The following RHOQ variants were observed in gnomAD, a reference collection of about 807,000 sequenced individuals.
RHOQ encodes rho-related GTP-binding protein RhoQ.
In RHOQ, 7 loss-of-function variants were observed where a neutral mutation model predicts 25.8. That is an observed-to-expected ratio of 0.27 (90% CI 0.15 to 0.51). RHOQ has a LOEUF of 0.51. Among genes scored for constraint, RHOQ ranks in the 20% least tolerant of loss-of-function variants. The pLI is 0.97. For missense variants in RHOQ, 165 were observed against 260.6 expected (o/e 0.63, Z 2.53); for synonymous variants, 97 against 98.6 (o/e 0.98, Z 0.10).
chr2:46,544,136 G>A (rs1464776361), intron 2 of RHOQ, among the ~76,000 whole-genome samples: 1 of 152,094 alleles, frequency 6.6e-6, no homozygotes, highest in Non-Finnish European at 1.5e-5. Context: ...CTTATTTTTA[G>A]TTGCAGATGA....
chr2:46,581,109 C>T lies in RHOQ; in HGVS notation c.*26C>T. On this transcript the variant is annotated 3_prime_UTR_variant, in exon 5 of 5. Transcript: ENST00000238738. ...GAAACATCTTCAGTGGCCAAGGAAA[C>T]TGTCCATTTCTCTCAGAAAGCAAAT... The T allele has an allele frequency of 4.9e-6, 7 of 1,415,634 alleles. No homozygotes were observed. The highest frequency in any genetic ancestry group is 5.7e-6 in the Non-Finnish European group (6 of 1,050,592). The allele number at this position is 1,415,634 out of a possible 1,614,324, so 87.7% of individuals were successfully genotyped here. A position where few individuals can be genotyped will look rare whatever the true frequency, so the allele number is the denominator to read the frequency against.
intron 2 of RHOQ, among the ~76,000 whole-genome samples, chr2:46,561,489 A>T (rs1361726693): frequency 6.6e-6 from 1 of 152,178 alleles, no homozygotes; most frequent in Admixed American, 6.5e-5. Context: ...AGGTGGGAAG[A>T]GGAGTTTGAT....
intron 2 of RHOQ, among the ~76,000 whole-genome samples, chr2:46,574,344 T>A (rs1669036024): frequency 6.6e-6 from 1 of 151,970 alleles, no homozygotes; most frequent in African/African-American, 2.4e-5. Context: ...TTCTTTTTTT[T>A]TTTTTTCTTT....
chr2:46,582,757 C>T lies in RHOQ; in HGVS notation c.*1674C>T, dbSNP rs1168017686. ...AAATGACAGCCTTAAATGCTCATAT[C>T]AGTCACAAATCTAGGATGTACTGTC... On this transcript the variant is annotated 3_prime_UTR_variant, in exon 5 of 5. Transcript: ENST00000238738. 1 of 152,530 alleles carries T rather than the reference C, an allele frequency of 6.6e-6. No homozygotes were observed. Among genetic ancestry groups the T allele is most frequent in the East Asian group, 1.9e-4 (1 of 5,202 alleles). 9.4% of individuals were successfully genotyped at this position (152,530 alleles called of 1,614,324 possible). A position where few individuals can be genotyped will look rare whatever the true frequency, so the allele number is the denominator to read the frequency against.
Position 46,581,518 on chromosome 2 carries a change from A to G in RHOQ, c.*435A>G, listed in dbSNP as rs1669372743. The G allele has an allele frequency of 1.9e-6, 3 of 1,611,510 alleles. No individual in the cohort carries two copies. In the African/African-American group the frequency reaches 4.0e-5, roughly 22 times the overall value. On this transcript the variant is annotated 3_prime_UTR_variant, in exon 5 of 5. Coordinates refer to ENST00000238738, the MANE Select transcript of RHOQ (RefSeq NM_012249.4). ...TGTAAGTTGCTTTCTATTCCAGTAT[A>G]TCCAGAGTGGTGAAATAACAAGGCC...
At chr2:46,549,986 G>A (rs1341736066) in intron 2 of RHOQ, among the ~76,000 whole-genome samples, 1 of 152,142 alleles carries the variant, frequency 6.6e-6, no homozygotes, top group Non-Finnish European at 1.5e-5. Context: ...CAGTACTTTG[G>A]GAGGCCAAGG....
intron 2 of RHOQ, among the ~76,000 whole-genome samples, chr2:46,564,003 C>G (rs1218504901): frequency 1.3e-5 from 2 of 151,758 alleles, no homozygotes; most frequent in Non-Finnish European, 2.9e-5. Flanking sequence ...TAAATTTAAC[C>G]ATTTTTAAGT....
rs1446460358 is a variant in RHOQ, at chr2:46,584,528, C to A, written c.*3445C>A. Among the ~76,000 whole-genome samples, 2 of 152,178 alleles carry A rather than the reference C, an allele frequency of 1.3e-5. No homozygotes were observed. Among genetic ancestry groups the A allele is most frequent in the Non-Finnish European group, 2.9e-5 (2 of 68,012 alleles). ...CCACCACGCACATTCTTTTAAACAG[C>A]TGCCACACCTCACCTCCAACAGAAT... On this transcript the variant is annotated 3_prime_UTR_variant, in exon 5 of 5. Coordinates refer to ENST00000238738, the MANE Select transcript of RHOQ (RefSeq NM_012249.4).
chr2:46,576,096 G>C lies in RHOQ; in HGVS notation c.211G>C (p.Asp71His). 1.9e-6 allele frequency: 3 copies of C among 1,601,712 alleles called. No homozygotes were observed. Among genetic ancestry groups the C allele is most frequent in the Non-Finnish European group, 2.6e-6 (3 of 1,176,016 alleles). Residue 71 changes from aspartate to histidine, a missense_variant, in exon 3 of 5, where the codon GAC becomes CAC. Transcript: ENST00000238738. This position sits in a 1 kb window ranked among gnomAD's most constrained non-coding sequence, Gnocchi z 5.1. Reference sequence around the variant, plus strand: ...TTTCTTTGTTCCTCAGGAAGACTATGACCGTCTGAGGCCTTTATCTTACCC... The same window carrying C: ...TTTCTTTGTTCCTCAGGAAGACTATCACCGTCTGAGGCCTTTATCTTACCC... ...LYDTAGQEDY[D>H]RLRPLSYPMT...
chr2:46,577,285 T>C (rs777458230), intron 4 of RHOQ, among the ~76,000 whole-genome samples: 1 of 152,158 alleles, frequency 6.6e-6, no homozygotes, highest in Non-Finnish European at 1.5e-5. Context: ...GCCCCAAAGA[T>C]AGGTTTACTT....
rs1668378414 is a variant in RHOQ, at chr2:46,555,237, T to G, written c.201+11425T>G. 1.3e-5 allele frequency among the ~76,000 whole-genome samples: 2 copies of G among 152,370 alleles called. No homozygotes were observed. Among genetic ancestry groups the G allele is most frequent in the South Asian group, 4.1e-4 (2 of 4,830 alleles). Reference sequence around the variant, plus strand: ...GCCCTCTAGTGGTCGAGTCCCTCCTTAGAATTTCCACTAAGTGAATTGTCT... The same window carrying G: ...GCCCTCTAGTGGTCGAGTCCCTCCTGAGAATTTCCACTAAGTGAATTGTCT... On this transcript the variant is annotated intron_variant, in intron 2 of 4. Transcript: ENST00000238738. The surrounding 1 kb of genome is among the most constrained non-coding windows in gnomAD (Gnocchi z 4.3).
At chr2:46,546,447 T>A (rs1668046514) in intron 2 of RHOQ, among the ~76,000 whole-genome samples, 1 of 84,888 alleles carries the variant, frequency 1.2e-5, no homozygotes, top group Non-Finnish European at 2.3e-5. Context: ...CGTATACACA[T>A]ATACATATAT....
Position 46,584,253 on chromosome 2 carries a change from C to G in RHOQ, c.*3170C>G, listed in dbSNP as rs905672535. Reference sequence around the variant, plus strand: ...CTACGTAAAGCACTGAACTTTTTACCTTAGTAGTTTTTATTTATTACCCTA... The same window carrying G: ...CTACGTAAAGCACTGAACTTTTTACGTTAGTAGTTTTTATTTATTACCCTA... On this transcript the variant is annotated 3_prime_UTR_variant, in exon 5 of 5. Transcript: ENST00000238738. 6.6e-6 allele frequency among the ~76,000 whole-genome samples: 1 copy of G among 151,940 alleles called. No homozygotes were observed. The highest frequency in any genetic ancestry group is 6.6e-5 in the Admixed American group (1 of 15,248).
chr2:46,580,627 G>T, intron 4 of RHOQ: 1 of 211,728 alleles, frequency 4.7e-6, no homozygotes, highest in Non-Finnish European at 9.3e-6. Context: ...ACATGTGGAC[G>T]CCACACAGCA....
rs1284348111 is a variant in RHOQ, at chr2:46,562,685, A to G, written c.202-13402A>G. On this transcript the variant is annotated intron_variant, in intron 2 of 4. Transcript: ENST00000238738. ...GGACTCCGTGGCCACATCAAAGCCCATGTGCATTTGACTCTTTTCCCTTCC... is the reference window on the plus strand; with the variant it reads ...GGACTCCGTGGCCACATCAAAGCCCGTGTGCATTTGACTCTTTTCCCTTCC... Among the ~76,000 whole-genome samples, 4 of 152,308 alleles carry G rather than the reference A, an allele frequency of 2.6e-5. No homozygotes were observed. In the East Asian group the frequency reaches 7.7e-4, roughly 29 times the overall value.
At chr2:46,563,441 G>A (rs1168660513) in intron 2 of RHOQ, among the ~76,000 whole-genome samples, 1 of 152,210 alleles carries the variant, frequency 6.6e-6, no homozygotes, top group African/African-American at 2.4e-5. Context: ...AATGTCATGA[G>A]GCTATTTGTT....
chr2:46,545,698 G>A (rs1668022544), intron 2 of RHOQ, among the ~76,000 whole-genome samples: 1 of 152,096 alleles, frequency 6.6e-6, no homozygotes, highest in African/African-American at 2.4e-5. Context: ...TATACACACA[G>A]GACACCATGG....
intron 2 of RHOQ, among the ~76,000 whole-genome samples, chr2:46,564,256 G>C (rs758958737): frequency 4.6e-5 from 7 of 152,154 alleles, no homozygotes; most frequent in Non-Finnish European, 8.8e-5. Context: ...ATTGAGCCAC[G>C]ATCGCACCAC....
Position 46,543,838 on chromosome 2 carries a change from GC to G in RHOQ, c.201+32del, listed in dbSNP as rs1185220263. On this transcript the variant is annotated intron_variant, in intron 2 of 4. Transcript: ENST00000238738. ...GTGAGTGTCTTGGCCTCTGGCCGAC[GC>G]CCCCCTCCTGTTCCCCAGTTCTTTG... 6 of 1,603,138 alleles carry G rather than the reference GC, an allele frequency of 3.7e-6. No homozygotes were observed. In the Admixed American group the frequency reaches 6.7e-5, roughly 18 times the overall value.
Sources: gnomAD v4.1 joint callset for allele counts (sites outside exome capture counted in the v4.1 genomes callset) on GRCh38, gnomAD v4.1.1 for gene constraint, Gnocchi (gnomAD v3.1) non-coding constraint, MANE v1.5 for transcripts, NCBI Gene and HGNC (gene_info 2026-07-23, HGNC 2026-07-21) for gene names.